HDAC9: variants seen among roughly 807,000 people sequenced by gnomAD.
HDAC9 encodes MEF-2 interacting transcription repressor (MITR) protein.
A neutral mutation model predicts 139.4 loss-of-function variants in HDAC9; 41 were observed. That is an observed-to-expected ratio of 0.29 (90% CI 0.23 to 0.38). The LOEUF (loss-of-function observed/expected upper bound fraction) is 0.38. Ranked by LOEUF, HDAC9 falls within the 10% of genes least tolerant of loss-of-function variation. The probability of loss-of-function intolerance (pLI) is 1.00; values close to 1 mark genes in which losing one functional copy is unlikely to be tolerated. For synonymous variants in HDAC9, 517 were observed against 476.2 expected (o/e 1.09, Z -1.12); for missense variants, 1,147 against 1,297.0 (o/e 0.88, Z 1.78).
At chr7:18,826,106 T>A (rs1038136929) in intron 17 of HDAC9, among the ~76,000 whole-genome samples, 4 of 152,100 alleles carry the variant, frequency 2.6e-5, no homozygotes, top group Non-Finnish European at 5.9e-5. Context: ...TTCTCTAGTG[T>A]GACAGAGAAT....
intron 12 of HDAC9, among the ~76,000 whole-genome samples, chr7:18,698,029 A>G (rs1376510371): frequency 1.3e-5 from 2 of 152,160 alleles, no homozygotes; most frequent in Non-Finnish European, 2.9e-5. Context: ...AAGACGCATG[A>G]ACAAAAATTA....
intron 2 of HDAC9, among the ~76,000 whole-genome samples, chr7:18,272,175 C>A (rs1796396559): frequency 6.6e-6 from 1 of 152,152 alleles, no homozygotes. Flanking sequence ...ACTCTACCAG[C>A]AATTATAGTA....
At chr7:18,619,444 A>G (rs79850094) in intron 6 of HDAC9, among the ~76,000 whole-genome samples, 1,590 of 152,252 alleles carry the variant, frequency 0.01, 20 homozygotes, top group African/African-American at 0.036. Context: ...TAGACACAAG[A>G]TCAATGATTA....
intron 12 of HDAC9, among the ~76,000 whole-genome samples, chr7:18,707,380 A>T (rs944063406): frequency 6.6e-6 from 1 of 152,212 alleles, no homozygotes; most frequent in Admixed American, 6.5e-5. Flanking sequence ...GGGGAGATAA[A>T]AAGTGTGGAT....
chr7:18,562,448 G>A (rs1375529489), intron 2 of HDAC9, among the ~76,000 whole-genome samples: 3 of 151,968 alleles, frequency 2.0e-5, no homozygotes, highest in Non-Finnish European at 2.9e-5. Context: ...ATTTTAATAC[G>A]TGATCCATTT....
intron 13 of HDAC9, among the ~76,000 whole-genome samples, chr7:18,739,591 A>G (rs1584950383): frequency 6.6e-6 from 1 of 152,128 alleles, no homozygotes; most frequent in East Asian, 1.9e-4. Context: ...ATCACCAGTG[A>G]AGGCTGCAGA....
At chr7:18,154,567 T>G (rs1390614004) in intron 1 of HDAC9, among the ~76,000 whole-genome samples, 1 of 152,224 alleles carries the variant, frequency 6.6e-6, no homozygotes, top group African/African-American at 2.4e-5. Context: ...AATGACCTCA[T>G]AAGTTAAATA....
chr7:18,226,560 C>T lies in HDAC9; in HGVS notation c.25+64211C>T, dbSNP rs184541672. Among the ~76,000 whole-genome samples, 5 of 152,292 alleles carry T rather than the reference C, an allele frequency of 3.3e-5. No homozygotes were observed. The East Asian group carries it at 9.6e-4, about 29-fold the overall frequency. ...TAAAGGAGTGGGGAAGAATCATTCC[C>T]TCCCATAGCAATAATGATGTGTGTA... On this transcript the variant is annotated intron_variant, in intron 2 of 12. Coordinates refer to the HDAC9 transcript ENST00000417496.
chr7:18,545,833 T>G (rs1297843880), intron 2 of HDAC9, among the ~76,000 whole-genome samples: 1 of 152,194 alleles, frequency 6.6e-6, no homozygotes, highest in African/African-American at 2.4e-5. Context: ...TGGTTCACTA[T>G]GCACTACAAC....
At chr7:18,425,120 C>A (rs1789994345) in intron 1 of HDAC9, among the ~76,000 whole-genome samples, 1 of 152,114 alleles carries the variant, frequency 6.6e-6, no homozygotes. Context: ...CATAAAATAG[C>A]ATGCAGCAAG....
At chr7:18,615,293 A>C (rs1838261089) in intron 6 of HDAC9, among the ~76,000 whole-genome samples, 1 of 152,188 alleles carries the variant, frequency 6.6e-6, no homozygotes, top group Non-Finnish European at 1.5e-5. Flanking sequence ...ACTAAAAATG[A>C]AGTTATTCTT....
chr7:18,103,072 G>A (rs1025851732), intron 1 of HDAC9, among the ~76,000 whole-genome samples: 2 of 152,198 alleles, frequency 1.3e-5, no homozygotes, highest in African/African-American at 4.8e-5. Context: ...CACAATCATG[G>A]TGGAAGGCAA....
chr7:18,183,219 C>T (rs969014989), intron 2 of HDAC9, among the ~76,000 whole-genome samples: 1 of 152,106 alleles, frequency 6.6e-6, no homozygotes, highest in Admixed American at 6.5e-5. Context: ...CCGTGTTAGC[C>T]AGGATGGTCT....
chr7:18,880,654 G>T (rs914794360), intron 22 of HDAC9, among the ~76,000 whole-genome samples: 1 of 152,064 alleles, frequency 6.6e-6, no homozygotes, highest in African/African-American at 2.4e-5. Context: ...CTACTTGAGA[G>T]AGGAGGGTGG....
chr7:18,954,695 T>C (rs1386457365), intron 24 of HDAC9, among the ~76,000 whole-genome samples: 1 of 152,100 alleles, frequency 6.6e-6, no homozygotes, highest in Non-Finnish European at 1.5e-5. Context: ...AGACTTTTTT[T>C]ATTATCCAAC....
intron 21 of HDAC9, among the ~76,000 whole-genome samples, chr7:18,874,247 T>TC (rs1239593800): frequency 1.3e-5 from 2 of 151,832 alleles, no homozygotes; most frequent in African/African-American, 4.8e-5. Context: ...TTTTTTTTTT[T>TC]TCCATTTGGA....
At chr7:18,420,969 A>G (rs559046800) in intron 1 of HDAC9, among the ~76,000 whole-genome samples, 6 of 152,220 alleles carry the variant, frequency 3.9e-5, no homozygotes, top group African/African-American at 1.2e-4. Flanking sequence ...CAGCTCATGC[A>G]AAGATATAGC....
rs950683439 is a variant in HDAC9, at chr7:18,869,339, C to T, written c.2685-5139C>T. Among the ~76,000 whole-genome samples, 31 of 151,880 alleles carry T rather than the reference C, an allele frequency of 2.0e-4. 1 individual carries two copies. The highest frequency in any genetic ancestry group is 1.1e-3 in the Admixed American group (16 of 15,234). On this transcript the variant is annotated intron_variant, in intron 21 of 25. Coordinates refer to ENST00000686413, the MANE Select transcript of HDAC9 (RefSeq NM_178425.4). ...GGTGGTTTCTTATGGTTTAGCACCA[C>T]TCACCTAGTGCTGTTCTCATGATAG...
At chr7:18,410,667 A>T (rs369129960) in intron 1 of HDAC9, among the ~76,000 whole-genome samples, 1 of 152,198 alleles carries the variant, frequency 6.6e-6, no homozygotes, top group East Asian at 1.9e-4. Context: ...AGTAGTACAT[A>T]CAGTAGAGTT....
Sources: gnomAD v4.1 joint callset for allele counts (sites outside exome capture counted in the v4.1 genomes callset) on GRCh38, gnomAD v4.1.1 for gene constraint, MANE v1.5 for transcripts, NCBI Gene and HGNC (gene_info 2026-07-23, HGNC 2026-07-21) for gene names.